The following PRELID2 variants were observed in gnomAD, a reference collection of about 807,000 sequenced individuals.
PRELID2 encodes the protein PRELI domain containing 2.
In PRELID2, 25 loss-of-function variants were observed where a neutral mutation model predicts 28.4. The observed-to-expected ratio is 0.88, with a 90% CI of 0.64 to 1.23. PRELID2 has a LOEUF of 1.23. Among genes scored for constraint, PRELID2 ranks in the 50% most tolerant of loss-of-function variants. The pLI is 0.00. For missense variants in PRELID2, 201 were observed against 214.4 expected (o/e 0.94, Z 0.39); for synonymous variants, 76 against 71.6 (o/e 1.06, Z -0.31).
chr5:145,341,180 G>T, the PRELID2 span, among the ~76,000 whole-genome samples: 17 of 150,922 alleles, frequency 1.1e-4, no homozygotes, highest in Non-Finnish European at 1.5e-5. Flanking sequence ...TCAGTATAAG[G>T]ACATAGAAAA....
At chr5:145,637,217 G>A (rs555817260) in intron 1 of PRELID2, among the ~76,000 whole-genome samples, 9 of 152,314 alleles carry the variant, frequency 5.9e-5, no homozygotes, top group South Asian at 2.1e-4. Flanking sequence ...ATTGGGCACT[G>A]CATAACAGAC....
rs555621296 is a variant in PRELID2 at position 145,727,336 on chromosome 5, G to A, written n.70+37595C>T. Among the ~76,000 whole-genome samples the A allele has an allele frequency of 3.2e-4, 48 of 152,212 alleles. No individual in the cohort carries two copies. In the South Asian group the frequency reaches 7.9e-3, roughly 25 times the overall value. On this transcript the variant is annotated intron_variant and non_coding_transcript_variant, in intron 1 of 2. Transcript: ENST00000510259. Reference sequence around the variant, plus strand: ...ATGCCCTGGGCTTAGATTATGGTGCGTCAGGGTAGCCTTCCACCCTTTAGC... The same window carrying A: ...ATGCCCTGGGCTTAGATTATGGTGCATCAGGGTAGCCTTCCACCCTTTAGC...
At chr5:145,514,070 T>A (rs992223200) in intron 1 of PRELID2, among the ~76,000 whole-genome samples, 2 of 152,082 alleles carry the variant, frequency 1.3e-5, no homozygotes, top group Non-Finnish European at 2.9e-5. Flanking sequence ...ATCGACACTA[T>A]GAAGAAACTG....
At chr5:145,457,961 T>G in the PRELID2 span, among the ~76,000 whole-genome samples, 1 of 152,176 alleles carries the variant, frequency 6.6e-6, no homozygotes, top group African/African-American at 2.4e-5. Flanking sequence ...TGTATAATAG[T>G]GTGTATTTTT....
intron 1 of PRELID2, among the ~76,000 whole-genome samples, chr5:145,607,769 A>T (rs1002434645): frequency 5.3e-5 from 8 of 152,292 alleles, no homozygotes; most frequent in African/African-American, 1.9e-4. Flanking sequence ...TATTTGGTCA[A>T]ATGTCAAGTT....
At chr5:145,398,837 A>AGAAG in the PRELID2 span, among the ~76,000 whole-genome samples, 1 of 152,122 alleles carries the variant, frequency 6.6e-6, no homozygotes, top group Non-Finnish European at 1.5e-5. Flanking sequence ...GTGGCTTTTT[A>AGAAG]GAAGGAAGGA....
intron 1 of PRELID2, among the ~76,000 whole-genome samples, chr5:145,480,704 T>C (rs939979082): frequency 1.3e-5 from 2 of 152,126 alleles, no homozygotes; most frequent in Non-Finnish European, 2.9e-5. Flanking sequence ...CTTTGTTAAG[T>C]GATTTTTTCC....
the PRELID2 span, among the ~76,000 whole-genome samples, chr5:145,275,721 A>G: frequency 0.041 from 6,180 of 152,184 alleles, 395 homozygotes; most frequent in African/African-American, 0.14. Context: ...TGGGAGGTAA[A>G]TGAGAAGACA....
intron 1 of PRELID2, among the ~76,000 whole-genome samples, chr5:145,825,723 G>A (rs1338610636): frequency 6.6e-6 from 1 of 152,136 alleles, no homozygotes; most frequent in Non-Finnish European, 1.5e-5. Flanking sequence ...GAGTTGAACA[G>A]CCAAGAGCCT....
At chr5:145,651,431 T>G (rs1291801204) in intron 1 of PRELID2, among the ~76,000 whole-genome samples, 1 of 152,180 alleles carries the variant, frequency 6.6e-6, no homozygotes, top group Non-Finnish European at 1.5e-5. Flanking sequence ...GCACGGAGTC[T>G]GAGATCTGAG....
At chr5:145,514,221 A>T (rs1405229237) in intron 1 of PRELID2, among the ~76,000 whole-genome samples, 1 of 151,562 alleles carries the variant, frequency 6.6e-6, no homozygotes, top group Non-Finnish European at 1.5e-5. Context: ...GTCAAGACCC[A>T]TCAGTGTGCT....
the PRELID2 span, among the ~76,000 whole-genome samples, chr5:145,395,976 AC>A: frequency 6.6e-6 from 1 of 152,106 alleles, no homozygotes; most frequent in Non-Finnish European, 1.5e-5. Flanking sequence ...TCAAAGTACT[AC>A]CTCTTCTTCA....
chr5:145,383,355 C>A, the PRELID2 span, among the ~76,000 whole-genome samples: 3 of 150,454 alleles, frequency 2.0e-5, no homozygotes, highest in Admixed American at 6.6e-5. Context: ...CACATACACA[C>A]GTCCATATAT....
chr5:145,594,864 C>CGCCT (rs1157340642), intron 1 of PRELID2, among the ~76,000 whole-genome samples: 1 of 152,060 alleles, frequency 6.6e-6, no homozygotes, highest in Non-Finnish European at 1.5e-5. Flanking sequence ...CGGTGGCTCA[C>CGCCT]GCCTATAAAT....
At chr5:145,645,521 T>C (rs556763516) in intron 1 of PRELID2, among the ~76,000 whole-genome samples, 5 of 152,170 alleles carry the variant, frequency 3.3e-5, no homozygotes, top group Non-Finnish European at 5.9e-5. Context: ...TTGGAGCATT[T>C]AGCCCATTTA....
At chr5:145,786,483 C>T (rs1752002135) in intron 5 of PRELID2, among the ~76,000 whole-genome samples, 1 of 152,144 alleles carries the variant, frequency 6.6e-6, no homozygotes, top group African/African-American at 2.4e-5. Flanking sequence ...CAAGGGAGGC[C>T]CGCTGAATCC....
chr5:145,423,995 G>T, the PRELID2 span, among the ~76,000 whole-genome samples: 780 of 151,792 alleles, frequency 5.1e-3, 7 homozygotes, highest in African/African-American at 0.018. Flanking sequence ...GTACCCTGCC[G>T]TGTGAGGTGT....
intron 1 of PRELID2, among the ~76,000 whole-genome samples, chr5:145,702,083 A>G (rs1005697569): frequency 6.6e-6 from 1 of 151,938 alleles, no homozygotes; most frequent in African/African-American, 2.4e-5. Context: ...ACACACACAC[A>G]CATATATATA....
At chr5:145,294,320 G>A in the PRELID2 span, among the ~76,000 whole-genome samples, 1 of 152,108 alleles carries the variant, frequency 6.6e-6, no homozygotes, top group African/African-American at 2.4e-5. Context: ...TCTTCTGAAA[G>A]TTGTCACATA....
Sources: allele counts gnomAD v4.1 joint callset (sites outside exome capture counted in the v4.1 genomes callset), GRCh38; gene constraint gnomAD v4.1.1; transcripts MANE v1.5; gene names NCBI Gene and HGNC (gene_info 2026-07-23, HGNC 2026-07-21).